The following SETBP1 variants were observed in gnomAD, a reference collection of about 807,000 sequenced individuals.
The protein encoded by SETBP1 is SET-binding protein.
In SETBP1, 9 loss-of-function variants were observed where a neutral mutation model predicts 101.0. The observed-to-expected ratio is 0.09, with a 90% CI of 0.05 to 0.16. The LOEUF (loss-of-function observed/expected upper bound fraction) is 0.16. SETBP1 is among the 10% of genes least tolerant of loss of function. The probability of loss-of-function intolerance (pLI) is 1.00; values close to 1 mark genes in which losing one functional copy is unlikely to be tolerated. For synonymous variants in SETBP1, 818 were observed against 788.5 expected, an observed-to-expected ratio of 1.04 and a Z score of -0.63; for missense variants, 1,858 against 2,033.8, an observed-to-expected ratio of 0.91 and a Z score of 1.66.
chr18:44,979,712 C>T (rs931298536), intron 4 of SETBP1, among the ~76,000 whole-genome samples: 1 of 152,176 alleles, frequency 6.6e-6, no homozygotes, highest in Admixed American at 6.5e-5. Flanking sequence ...ACAAATAACT[C>T]TTACATATGG....
intron 3 of SETBP1, among the ~76,000 whole-genome samples, chr18:44,905,341 A>C (rs2070148156): frequency 6.6e-6 from 1 of 152,176 alleles, no homozygotes; most frequent in Admixed American, 6.5e-5. Flanking sequence ...TAGAAGATGA[A>C]GCTGACTTTT....
intron 2 of SETBP1, among the ~76,000 whole-genome samples, chr18:44,834,276 C>T (rs2072443103): frequency 6.6e-6 from 1 of 152,166 alleles, no homozygotes; most frequent in Non-Finnish European, 1.5e-5. Context: ...TCAGCAAGAA[C>T]ATGGTGCTAA....
At chr18:44,858,478 C>T (rs1224078122) in intron 2 of SETBP1, among the ~76,000 whole-genome samples, 1 of 152,176 alleles carries the variant, frequency 6.6e-6, no homozygotes, top group African/African-American at 2.4e-5. Context: ...TTAAAATAAA[C>T]AAGCAAATAA....
At chr18:44,899,401 C>A (rs1005148992) in intron 3 of SETBP1, among the ~76,000 whole-genome samples, 2 of 152,130 alleles carry the variant, frequency 1.3e-5, no homozygotes, top group Non-Finnish European at 2.9e-5. Context: ...GGTGATTTAA[C>A]AAGAAAGGAA....
chr18:45,028,708 T>A (rs1201527515), intron 4 of SETBP1, among the ~76,000 whole-genome samples: 1 of 152,216 alleles, frequency 6.6e-6, no homozygotes, highest in Non-Finnish European at 1.5e-5. Context: ...CCATTCTAAC[T>A]GTTGTGAGAT....
At chr18:44,854,271 C>T (rs542404085) in intron 2 of SETBP1, among the ~76,000 whole-genome samples, 6 of 152,194 alleles carry the variant, frequency 3.9e-5, no homozygotes, top group East Asian at 1.9e-4. Context: ...CAAAGAAACT[C>T]GCAGACATGT....
intron 4 of SETBP1, among the ~76,000 whole-genome samples, chr18:45,025,450 C>T (rs557730228): frequency 6.6e-6 from 1 of 152,158 alleles, no homozygotes; most frequent in Non-Finnish European, 1.5e-5. Context: ...TCTGACTGAA[C>T]TACTAGAGAT....
chr18:44,711,693 T>C lies in SETBP1; in HGVS notation c.486+9861T>C, dbSNP rs114224063. Among the ~76,000 whole-genome samples, 947 of 139,082 alleles carry C rather than the reference T, an allele frequency of 6.8e-3. 10 individuals are homozygous for C. The highest frequency in any genetic ancestry group is 0.025 in the African/African-American group (914 of 36,464). The allele number at this position is 139,082 out of a possible 152,430, so 91.2% of individuals were successfully genotyped here. A position where few individuals can be genotyped will look rare whatever the true frequency, so the allele number is the denominator to read the frequency against. On this transcript the variant is annotated intron_variant, in intron 2 of 5. Transcript: ENST00000649279. ...GGTGTGCACCACCACATCTAGCTGATTTATCTTTAAATTTTTTTTTTTTTT... is the reference window on the plus strand; with the variant it reads ...GGTGTGCACCACCACATCTAGCTGACTTATCTTTAAATTTTTTTTTTTTTT...
intron 4 of SETBP1, among the ~76,000 whole-genome samples, chr18:45,009,947 G>A (rs1442230611): frequency 3.3e-5 from 5 of 152,118 alleles, no homozygotes; most frequent in South Asian, 2.1e-4. Flanking sequence ...TCCTCTGATC[G>A]GTTGTGGTCT....
At chr18:44,928,489 C>G (rs1482180215) in intron 3 of SETBP1, among the ~76,000 whole-genome samples, 5 of 152,198 alleles carry the variant, frequency 3.3e-5, no homozygotes, top group African/African-American at 7.2e-5. Flanking sequence ...GTTCTAGATC[C>G]TTGAGGAATT....
Position 44,815,682 on chromosome 18 carries a change from G to T in SETBP1, c.487-53548G>T, listed in dbSNP as rs149825493. Among the ~76,000 whole-genome samples the T allele has an allele frequency of 2.8e-3, 426 of 152,312 alleles. 1 individual carries two copies. Among genetic ancestry groups the T allele is most frequent in the Middle Eastern group, 0.01 (3 of 294 alleles). ...GTATTAACAGTGAGGCTGCAGCCAGGATTACCCATTAGCTGCTCTCGTCAA... is the reference window on the plus strand; with the variant it reads ...GTATTAACAGTGAGGCTGCAGCCAGTATTACCCATTAGCTGCTCTCGTCAA... On this transcript the variant is annotated intron_variant, in intron 2 of 5. Coordinates refer to ENST00000649279, the MANE Select transcript of SETBP1 (RefSeq NM_015559.3).
intron 2 of SETBP1, among the ~76,000 whole-genome samples, chr18:44,848,072 GGTGTGT>G (rs4024595): frequency 0.3 from 45,232 of 148,528 alleles, 6,672 homozygotes; most frequent in South Asian, 0.37. Context: ...ACTCTCTGAA[GGTGTGT>G]GTGTGTGTGT....
rs60718477 is a variant in SETBP1 at position 44,925,007 on chromosome 18, G to GTTT, written c.541-24848_541-24846dup. ...CTTTTTCCTTCTTGATCCTGTGTGA[G>GTTT]TTTTTTTTTTTTTTTTTTTTTTTTT... On this transcript the variant is annotated intron_variant, in intron 3 of 5. Coordinates refer to ENST00000649279, the MANE Select transcript of SETBP1 (RefSeq NM_015559.3). 5.0e-4 allele frequency among the ~76,000 whole-genome samples: 23 copies of GTTT among 45,960 alleles called. 1 individual carries two copies. The highest frequency in any genetic ancestry group is 1.8e-3 in the African/African-American group (20 of 11,106). 30.2% of individuals were successfully genotyped at this position (45,960 alleles called of 152,430 possible). A position where few individuals can be genotyped will look rare whatever the true frequency, so the allele number is the denominator to read the frequency against.
rs2145596248 is a variant in SETBP1 at position 45,063,608 on chromosome 18, G to A, written c.4701G>A (p.Ser1567=). 6.3e-7 allele frequency: 1 copy of A among 1,589,624 alleles called. No homozygotes were observed. The highest frequency in any genetic ancestry group is 8.6e-7 in the Non-Finnish European group (1 of 1,168,404). ...PQAPAQPPQQ[S]PPQQPLPQEE... is the part of the protein sequence containing the mutation. ...CCCCCGCTCAGCCCCCACAGCAGTC[G>A]CCCCCGCAGCAGCCCCTTCCCCAGG... The change falls in exon 6 of 6, where the codon TCG becomes TCA. Residue 1567 remains serine (S), a synonymous_variant. Coordinates refer to ENST00000649279, the MANE Select transcript of SETBP1 (RefSeq NM_015559.3).
intron 2 of SETBP1, among the ~76,000 whole-genome samples, chr18:44,852,425 G>A (rs555424592): frequency 6.6e-6 from 1 of 152,304 alleles, no homozygotes. Context: ...CCATGAAGCT[G>A]GGTGTGCAGC....
intron 2 of SETBP1, among the ~76,000 whole-genome samples, chr18:44,754,955 AT>A (rs2070460606): frequency 6.6e-6 from 1 of 152,192 alleles, no homozygotes. Flanking sequence ...GTTGGTATTG[AT>A]TTGCTAATCA....
At chr18:44,806,623 CTTTTTTTTTTTTTTTTTTTTTTT>C (rs71177656) in intron 2 of SETBP1, among the ~76,000 whole-genome samples, 25 of 27,830 alleles carry the variant, frequency 9.0e-4, no homozygotes, top group Admixed American at 3.5e-3. Context: ...TAATGAGCTC[CTTTTTTTTTTTTTTTTTTTTTTT>C]TTTTTTTTTT....
rs140269661 is a variant in SETBP1 at position 44,817,306 on chromosome 18, G to A, written c.487-51924G>A. On this transcript the variant is annotated intron_variant, in intron 2 of 5. Transcript: ENST00000649279. The stretch of plus-strand genomic sequence containing the variant: ...GGGCGAGTGACTTTCCTAGGGTCAC[G>A]CAGTTAAATATTGAGGCCTCAGAAA... Among the ~76,000 whole-genome samples the A allele has an allele frequency of 2.9e-4, 44 of 152,232 alleles. No individual in the cohort carries two copies. In the East Asian group the frequency reaches 6.2e-3, roughly 21 times the overall value.
intron 4 of SETBP1, chr18:44,970,073 TTTC>T (rs2145188057): frequency 6.5e-6 from 1 of 154,954 alleles, no homozygotes; most frequent in African/African-American, 2.4e-5. Flanking sequence ...TCATGTGCAT[TTTC>T]TCCTTTGACC....
Sources: gnomAD v4.1 joint callset for allele counts (sites outside exome capture counted in the v4.1 genomes callset) on GRCh38, gnomAD v4.1.1 for gene constraint, MANE v1.5 for transcripts, NCBI Gene and HGNC (gene_info 2026-07-23, HGNC 2026-07-21) for gene names.